KIFAP3: variants seen among roughly 807,000 people sequenced by gnomAD.
The protein encoded by KIFAP3 is kinesin-associated protein 3.
Under a neutral mutation model 106.5 loss-of-function variants are expected in KIFAP3, and 68 were observed. The ratio of observed to expected loss-of-function variants is 0.64; its 90% CI spans 0.53 to 0.78. The LOEUF (loss-of-function observed/expected upper bound fraction) is 0.78, where lower values mean the gene tolerates loss of function less well. Among genes scored for constraint, KIFAP3 ranks in the 30% least tolerant of loss-of-function variants. KIFAP3 has a pLI of 0.00. For synonymous variants in KIFAP3, 320 were observed against 311.5 expected, an observed-to-expected ratio of 1.03 and a Z score of -0.29; for missense variants, 780 against 941.8, an observed-to-expected ratio of 0.83 and a Z score of 2.25.
intron 1 of KIFAP3, chr1:170,068,139 C>T (rs1202965166): frequency 2.0e-5 from 3 of 151,738 alleles, no homozygotes; most frequent in African/African-American, 7.3e-5. Context: ...TTCAAAATAC[C>T]CAGTTTTCAA....
intron 19 of KIFAP3, among the ~76,000 whole-genome samples, chr1:169,933,451 G>T (rs1173457049): frequency 6.6e-6 from 1 of 151,932 alleles, no homozygotes; most frequent in African/African-American, 2.4e-5. Context: ...TTTAAAAAAG[G>T]TAAATTCATT....
intron 10 of KIFAP3, among the ~76,000 whole-genome samples, chr1:169,992,915 C>T (rs1667172929): frequency 6.6e-6 from 1 of 152,046 alleles, no homozygotes; most frequent in Non-Finnish European, 1.5e-5. Flanking sequence ...TCAGACAGAA[C>T]ATATTTTAAG....
chr1:170,037,142 AGGAAAG>A (rs1178738053), intron 5 of KIFAP3, among the ~76,000 whole-genome samples: 1 of 152,240 alleles, frequency 6.6e-6, no homozygotes, highest in Non-Finnish European at 1.5e-5. Context: ...ATGGAACAGA[AGGAAAG>A]GGAACACTAA....
At chr1:170,063,274 A>C (rs895058286) in intron 1 of KIFAP3, among the ~76,000 whole-genome samples, 1 of 152,202 alleles carries the variant, frequency 6.6e-6, no homozygotes, top group Non-Finnish European at 1.5e-5. Flanking sequence ...GTCAAAACCT[A>C]AGATTAGTCT....
chr1:169,946,125 T>C (rs1431029006), intron 19 of KIFAP3, among the ~76,000 whole-genome samples: 1 of 152,216 alleles, frequency 6.6e-6, no homozygotes, highest in Non-Finnish European at 1.5e-5. Flanking sequence ...AATGCAAAAA[T>C]TTAAACTGGT....
intron 16 of KIFAP3, among the ~76,000 whole-genome samples, chr1:169,974,696 T>C (rs1183320919): frequency 6.6e-6 from 1 of 151,910 alleles, no homozygotes; most frequent in Non-Finnish European, 1.5e-5. Context: ...ATATTCACCA[T>C]AGTACCCCAG....
At chr1:170,083,305 G>A (rs1672048828) in intron 1 of KIFAP3, among the ~76,000 whole-genome samples, 1 of 152,168 alleles carries the variant, frequency 6.6e-6, no homozygotes, top group African/African-American at 2.4e-5. Flanking sequence ...AATTTTTTGT[G>A]TGCTAATTTT....
chr1:169,976,118 T>C (rs951082788), intron 16 of KIFAP3, among the ~76,000 whole-genome samples: 2 of 152,150 alleles, frequency 1.3e-5, no homozygotes, highest in African/African-American at 4.8e-5. Context: ...GTAACACTTA[T>C]TCACTGTGTA....
intron 17 of KIFAP3, among the ~76,000 whole-genome samples, chr1:169,965,296 A>C (rs182403828): frequency 6.6e-6 from 1 of 152,216 alleles, no homozygotes; most frequent in African/African-American, 2.4e-5. Context: ...ATCTCAACAA[A>C]GAGGTATTCC....
chr1:170,070,132 C>A (rs1189637463), intron 1 of KIFAP3, among the ~76,000 whole-genome samples: 3 of 151,878 alleles, frequency 2.0e-5, no homozygotes, highest in African/African-American at 7.3e-5. Context: ...ATACTGAAAA[C>A]AAAAAGTTGC....
intron 19 of KIFAP3, among the ~76,000 whole-genome samples, chr1:169,937,915 T>C (rs1663899226): frequency 6.6e-6 from 1 of 151,936 alleles, no homozygotes; most frequent in African/African-American, 2.4e-5. Flanking sequence ...TTTCTACTGA[T>C]CTTTCTCCAT....
intron 16 of KIFAP3, among the ~76,000 whole-genome samples, chr1:169,973,122 T>TATATATATATATATATATATAA (rs1337198179): frequency 2.2e-5 from 3 of 138,586 alleles, no homozygotes; most frequent in South Asian, 2.5e-4. Flanking sequence ...TATATATATA[T>TATATATATATATATATATATAA]AAACAACACA....
chr1:169,958,179 C>T (rs1231543729), intron 18 of KIFAP3: 2 of 152,290 alleles, frequency 1.3e-5, no homozygotes, highest in African/African-American at 4.8e-5. Context: ...GCTCTTAAGA[C>T]TCAAGTAATC....
At chr1:170,056,506 A>G (rs1254137708) in intron 1 of KIFAP3, among the ~76,000 whole-genome samples, 1 of 152,202 alleles carries the variant, frequency 6.6e-6, no homozygotes, top group Non-Finnish European at 1.5e-5. Flanking sequence ...CAACAGAAAC[A>G]AGCAAAATCT....
intron 10 of KIFAP3, among the ~76,000 whole-genome samples, chr1:170,001,042 A>G (rs1480562434): frequency 1.3e-5 from 2 of 152,148 alleles, no homozygotes; most frequent in East Asian, 3.8e-4. Context: ...GTACTCTTAT[A>G]TAGAACATTT....
Position 169,961,126 on chromosome 1 carries a change from T to C in KIFAP3, c.2093A>G (p.Tyr698Cys), listed in dbSNP as rs1302835379. Residue 698 changes from tyrosine to cysteine, a missense_variant, in exon 18 of 20, where the codon TAC (tyrosine) becomes TGC (cysteine). Tyr to Cys is a radical substitution (Grantham distance 194). Around this residue, in one of 3 missense-constraint regions of KIFAP3, gnomAD observed 114 missense variants for 122.3 expected, o/e 0.93. Transcript: ENST00000361580. Reference protein sequence around the residue: ...ESRQMDESEQYLYGDDRIEPY... With the variant: ...ESRQMDESEQCLYGDDRIEPY... ...CTCAATTCGATCATCACCATACAAG[T>C]ACTGCTCACTCTCATCCATCTGACG... The C allele has an allele frequency of 6.2e-7, 1 of 1,613,804 alleles. No homozygotes were observed. The highest frequency in any genetic ancestry group is 8.5e-7 in the Non-Finnish European group (1 of 1,179,744).
At chr1:169,983,006 A>T (rs772667946) in intron 13 of KIFAP3, 139 bp from the exon 14 acceptor site, 954 of 612,388 alleles carry the variant, frequency 1.6e-3, no homozygotes, top group Middle Eastern at 1.9e-3. Flanking sequence ...ATCTTGAGCT[A>T]AATTGCTAAA....
At chr1:169,971,214 C>T (rs182717195) in intron 17 of KIFAP3, among the ~76,000 whole-genome samples, 17 of 152,066 alleles carry the variant, frequency 1.1e-4, no homozygotes, top group Admixed American at 7.9e-4. Context: ...TAATGCATAA[C>T]AGACTGACAA....
rs1337198179 is a variant in KIFAP3, at chr1:169,973,122, T to TATATATATATATATAA, written c.1898-525_1898-524insTTATATATATATATAT. On this transcript the variant is annotated intron_variant, in intron 16 of 19. Coordinates refer to ENST00000361580, the MANE Select transcript of KIFAP3 (RefSeq NM_014970.4). ...AATAGTGTGTATATATATATATATA[T>TATATATATATATATAA]AAACAACACAAATCAGGATTAGAAA... Among the ~76,000 whole-genome samples, 180 of 138,522 alleles carry TATATATATATATATAA rather than the reference T, an allele frequency of 1.3e-3. 6 individuals are homozygous for TATATATATATATATAA. The highest frequency in any genetic ancestry group is 4.5e-3 in the African/African-American group (163 of 36,516). 90.9% of individuals were successfully genotyped at this position (138,522 alleles called of 152,430 possible).
Sources: gnomAD v4.1 joint callset for allele counts (sites outside exome capture counted in the v4.1 genomes callset) on GRCh38, gnomAD v4.1.1 for gene constraint, gnomAD v4.1.1 regional missense constraint, MANE v1.5 for transcripts, NCBI Gene and HGNC (gene_info 2026-07-23, HGNC 2026-07-21) for gene names.